Variants in CAMKMT observed in about 807,000 individuals in gnomAD.
CAMKMT encodes the protein CaM KMT.
Under a neutral mutation model 48.0 loss-of-function variants are expected in CAMKMT, and 53 were observed. The ratio of observed to expected loss-of-function variants is 1.10; its 90% CI spans 0.89 to 1.39. The LOEUF is 1.39. CAMKMT is among the 40% of genes most tolerant of loss of function. The pLI is 0.00. For missense variants in CAMKMT, 428 were observed against 402.7 expected, an observed-to-expected ratio of 1.06 and a Z score of -0.54; for synonymous variants, 165 against 152.3, an observed-to-expected ratio of 1.08 and a Z score of -0.61.
intron 3 of CAMKMT, among the ~76,000 whole-genome samples, chr2:44,631,992 C>A (rs553519931): frequency 6.6e-6 from 1 of 152,212 alleles, no homozygotes; most frequent in African/African-American, 2.4e-5. Context: ...CCCACCCTCT[C>A]CTTTATGCTG....
intron 1 of CAMKMT, among the ~76,000 whole-genome samples, chr2:44,364,686 C>T (rs1558537699): frequency 6.6e-6 from 1 of 152,178 alleles, no homozygotes; most frequent in African/African-American, 2.4e-5. Context: ...AGAACCGCAA[C>T]ATCACAGTGG....
rs117212993 is a variant in CAMKMT at position 44,654,094 on chromosome 2, A to G, written c.377-50189A>G. Among the ~76,000 whole-genome samples the G allele has an allele frequency of 4.5e-4, 68 of 152,336 alleles. 1 individual carries two copies. The East Asian group carries it at 0.012, about 27-fold the overall frequency. On this transcript the variant is annotated intron_variant, in intron 3 of 10. Transcript: ENST00000378494. ...ATGCTGTAAATTACCAGAGAAAGCT[A>G]GTGCCCTGTCACTTACCAATGAAAT...
intron 3 of CAMKMT, among the ~76,000 whole-genome samples, chr2:44,666,565 G>A (rs2104105105): frequency 6.6e-6 from 1 of 150,900 alleles, no homozygotes; most frequent in Non-Finnish European, 1.5e-5. Context: ...AACTTTATTA[G>A]TAATAAAACT....
chr2:44,562,056 T>C (rs960721601), intron 3 of CAMKMT, among the ~76,000 whole-genome samples: 7 of 152,078 alleles, frequency 4.6e-5, no homozygotes, highest in Non-Finnish European at 8.8e-5. Flanking sequence ...GAAATGAAAA[T>C]AGAAGATCAA....
intron 3 of CAMKMT, among the ~76,000 whole-genome samples, chr2:44,649,857 T>A (rs905027114): frequency 2.6e-5 from 4 of 152,132 alleles, no homozygotes; most frequent in Non-Finnish European, 5.9e-5. Flanking sequence ...TGTAATTTTA[T>A]CAGGAAGGAA....
At chr2:44,608,393 T>C (rs1390374438) in intron 3 of CAMKMT, among the ~76,000 whole-genome samples, 3 of 152,022 alleles carry the variant, frequency 2.0e-5, no homozygotes, top group African/African-American at 4.8e-5. Flanking sequence ...TTTGTACTTT[T>C]AAGTTTTATT....
At chr2:44,676,781 T>C (rs191984452) in intron 3 of CAMKMT, 2 of 152,242 alleles carry the variant, frequency 1.3e-5, no homozygotes, top group African/African-American at 4.8e-5. Context: ...GCAAGGTATG[T>C]TGATCCTTAA....
intron 3 of CAMKMT, among the ~76,000 whole-genome samples, chr2:44,573,253 A>C (rs907521458): frequency 1.3e-5 from 2 of 152,118 alleles, no homozygotes; most frequent in Non-Finnish European, 2.9e-5. Flanking sequence ...ATGTCTATCC[A>C]AGTTCTTTGT....
intron 3 of CAMKMT, among the ~76,000 whole-genome samples, chr2:44,486,512 A>G (rs1406340769): frequency 1.3e-5 from 2 of 152,212 alleles, no homozygotes; most frequent in African/African-American, 2.4e-5. Flanking sequence ...CACGAGATAA[A>G]TATTTTTAAC....
intron 3 of CAMKMT, among the ~76,000 whole-genome samples, chr2:44,438,534 T>C (rs1202329670): frequency 6.6e-6 from 1 of 152,218 alleles, no homozygotes; most frequent in Non-Finnish European, 1.5e-5. Context: ...TTACATAACA[T>C]TGCTTAAGTT....
intron 3 of CAMKMT, among the ~76,000 whole-genome samples, chr2:44,649,495 C>G (rs1034645300): frequency 1.3e-5 from 2 of 151,806 alleles, no homozygotes; most frequent in African/African-American, 4.8e-5. Context: ...TCTGAGGGAG[C>G]CAGAGAAAGC....
At chr2:44,706,613 ATTT>A (rs35364346) in intron 5 of CAMKMT, among the ~76,000 whole-genome samples, 3 of 136,226 alleles carry the variant, frequency 2.2e-5, no homozygotes, top group African/African-American at 2.7e-5. Flanking sequence ...TAGCGAAAGC[ATTT>A]TTTTTTTTTT....
intron 3 of CAMKMT, among the ~76,000 whole-genome samples, chr2:44,488,843 T>TTGTG (rs142299931): frequency 0.036 from 5,074 of 141,992 alleles, 149 homozygotes; most frequent in South Asian, 0.071. Context: ...CTTAGGGTAT[T>TTGTG]TGTGTGTGTG....
rs1036059729 is a variant in CAMKMT at position 44,361,959 on chromosome 2, G to A, written c.-49G>A. ...GGAAGAAGTTGGCAGGTCCTGGCAGGGGACGAGCTGCGGCGGTGGCACCTC... is the reference window on the plus strand; with the variant it reads ...GGAAGAAGTTGGCAGGTCCTGGCAGAGGACGAGCTGCGGCGGTGGCACCTC... On this transcript the variant is annotated 5_prime_UTR_variant, in exon 1 of 11. Coordinates refer to ENST00000378494, the MANE Select transcript of CAMKMT (RefSeq NM_024766.5). 1.5e-6 allele frequency: 2 copies of A among 1,362,196 alleles called. No homozygotes were observed. Among genetic ancestry groups the A allele is most frequent in the Non-Finnish European group, 1.9e-6 (2 of 1,062,712 alleles). 84.4% of individuals were successfully genotyped at this position (1,362,196 alleles called of 1,614,324 possible).
chr2:44,535,880 C>G (rs1445811296), intron 3 of CAMKMT, among the ~76,000 whole-genome samples: 1 of 151,942 alleles, frequency 6.6e-6, no homozygotes, highest in Non-Finnish European at 1.5e-5. Flanking sequence ...AACAATCAGG[C>G]AAGAGGAAGA....
chr2:44,590,752 G>A (rs1670213947), intron 3 of CAMKMT, among the ~76,000 whole-genome samples: 1 of 152,000 alleles, frequency 6.6e-6, no homozygotes, highest in Admixed American at 6.6e-5. Context: ...AAGCTCTTTA[G>A]TTTAATGAGA....
At chr2:44,405,093 T>A (rs1296310258) in intron 3 of CAMKMT, among the ~76,000 whole-genome samples, 2 of 152,114 alleles carry the variant, frequency 1.3e-5, no homozygotes, top group Admixed American at 6.5e-5. Flanking sequence ...GTTCATTATT[T>A]TCTATCTCTA....
Position 44,390,229 on chromosome 2 carries a change from A to G in CAMKMT, c.312-12A>G, listed in dbSNP as rs1681194390. 1 of 1,596,572 alleles carries G rather than the reference A, an allele frequency of 6.3e-7. No individual in the cohort carries two copies. Among genetic ancestry groups the G allele is most frequent in the African/African-American group, 1.4e-5 (1 of 74,062 alleles). On this transcript the variant is annotated splice_polypyrimidine_tract_variant and intron_variant, in intron 2 of 10. Coordinates refer to ENST00000378494, the MANE Select transcript of CAMKMT (RefSeq NM_024766.5). ...TCAGAATCATTAAAGCAAACGCTTT[A>G]CTCCTTTCTAGGCATAATAGTGGAT...
At chr2:44,445,408 T>C (rs1666921808) in intron 3 of CAMKMT, among the ~76,000 whole-genome samples, 1 of 152,134 alleles carries the variant, frequency 6.6e-6, no homozygotes, top group Non-Finnish European at 1.5e-5. Context: ...GCCATTCATC[T>C]TCAGTTTGTA....
Sources: allele counts gnomAD v4.1 joint callset (sites outside exome capture counted in the v4.1 genomes callset), GRCh38; gene constraint gnomAD v4.1.1; transcripts MANE v1.5; gene names NCBI Gene and HGNC (gene_info 2026-07-23, HGNC 2026-07-21).